CEP295: variants seen among roughly 807,000 people sequenced by gnomAD.
The protein encoded by CEP295 is centrosomal protein 295, also known as centrosomal protein of 295 kDa.
CEP295 carries 190 observed loss-of-function variants against 291.6 expected under a neutral mutation model. That is an observed-to-expected ratio of 0.65 (90% confidence interval 0.58 to 0.73). The LOEUF is 0.73. CEP295 is among the 30% of genes least tolerant of loss of function. The pLI is 0.00. For missense variants in CEP295, 2,863 were observed against 2,949.4 expected, an observed-to-expected ratio of 0.97 and a Z score of 0.68; for synonymous variants, 993 against 1,038.8, an observed-to-expected ratio of 0.96 and a Z score of 0.85.
intron 23 of CEP295, 115 bp from the exon 24 acceptor site, chr11:93,726,861 T>C (rs1228914792): frequency 2.6e-6 from 2 of 763,316 alleles, no homozygotes; most frequent in Admixed American, 6.6e-5. Flanking sequence ...CATCAACTTT[T>C]ATGCCTAAAA....
chr11:93,722,223 C>T (rs1029960608), intron 20 of CEP295, among the ~76,000 whole-genome samples, 173 bp downstream of exon 20: 5 of 152,074 alleles, frequency 3.3e-5, no homozygotes, highest in African/African-American at 1.2e-4. Context: ...AATCCCAGCA[C>T]CTTGAGGTGG....
chr11:93,728,911 G>C (rs948216659), intron 25 of CEP295, 90 bp downstream of exon 25: 2 of 1,186,584 alleles, frequency 1.7e-6, no homozygotes, highest in Admixed American at 2.8e-5. Flanking sequence ...CTCATTGGAG[G>C]GAATTATGCT....
chr11:93,689,917 T>C (rs1951433260), intron 10 of CEP295, among the ~76,000 whole-genome samples: 1 of 152,164 alleles, frequency 6.6e-6, no homozygotes, highest in Admixed American at 6.5e-5. Context: ...GCCATGGGCA[T>C]AGAAAACCAC....
chr11:93,698,778 CTTCA>C lies in CEP295; in HGVS notation c.3872_3875del (p.Phe1291TyrfsTer12). ...ACATCTTCTGAACAAACTGGTTCATCTTCATTCATACCCCAGTTGGTACAGCTTT... is the reference window on the plus strand; with the variant it reads ...ACATCTTCTGAACAAACTGGTTCATCTTCATACCCCAGTTGGTACAGCTTT... On this transcript the variant is annotated frameshift_variant, in exon 15 of 30. Transcript: ENST00000325212. LOFTEE classifies it high-confidence loss of function. 1.3e-6 allele frequency: 2 copies of C among 1,551,724 alleles called. No homozygotes were observed. The highest frequency in any genetic ancestry group is 1.7e-6 in the Non-Finnish European group (2 of 1,146,978).
chr11:93,704,859 C>T (rs1021882006), intron 17 of CEP295, among the ~76,000 whole-genome samples: 2 of 152,204 alleles, frequency 1.3e-5, no homozygotes, highest in Non-Finnish European at 2.9e-5. Context: ...ATACCACTCA[C>T]TAGAGGCAGT....
rs1371855018 is a variant in CEP295 at position 93,696,922 on chromosome 11, A to G, written c.2010A>G (p.Glu670=). The change falls in exon 15 of 30, where the codon GAA becomes GAG. Residue 670 remains glutamate, a synonymous_variant. Coordinates refer to ENST00000325212, the MANE Select transcript of CEP295 (RefSeq NM_033395.2). ...AACCTATACAGACCTCCAAATTAGA[A>G]CAAGATCATTTTCAGGTAGCGAGAC... ...PIQPIQTSKL[E]QDHFQVARQN... is the part of the protein sequence containing the mutation. The G allele has an allele frequency of 1.9e-6, 3 of 1,552,080 alleles. No homozygotes were observed. The highest frequency in any genetic ancestry group is 2.4e-5 in the South Asian group (2 of 84,066).
chr11:93,695,475 T>C (rs1355351223), intron 12 of CEP295, 22 bp from the exon 13 acceptor site: 2 of 1,397,176 alleles, frequency 1.4e-6, no homozygotes, highest in Non-Finnish European at 1.9e-6. Context: ...TGTTAATAGA[T>C]CAATAGTATT....
chr11:93,698,354 AAGTCTCTTAGTTTTCCACAGCAT>A lies in CEP295; in HGVS notation c.3445_3467del (p.Ser1149ProfsTer24). The A allele has an allele frequency of 6.4e-7, 1 of 1,552,190 alleles. No homozygotes were observed. The highest frequency in any genetic ancestry group is 8.7e-7 in the Non-Finnish European group (1 of 1,147,092). On this transcript the variant is annotated frameshift_variant, in exon 15 of 30. Transcript: ENST00000325212. LOFTEE classifies it high-confidence loss of function. Reference sequence around the variant, plus strand: ...TTTGATAATCCCAACATTTCAGGATAAGTCTCTTAGTTTTCCACAGCATAGCCTGGCACAGCAAGAAAATTTGA... The same window carrying A: ...TTTGATAATCCCAACATTTCAGGATAAGCCTGGCACAGCAAGAAAATTTGA...
intron 5 of CEP295, among the ~76,000 whole-genome samples, chr11:93,674,600 A>G (rs1047195942): frequency 1.7e-4 from 26 of 152,186 alleles, no homozygotes; most frequent in African/African-American, 6.0e-4. Context: ...AATTGTCACA[A>G]TGATCATATG....
intron 10 of CEP295, among the ~76,000 whole-genome samples, chr11:93,690,655 C>T (rs999229505): frequency 7.1e-6 from 1 of 141,244 alleles, no homozygotes; most frequent in Non-Finnish European, 1.5e-5. Context: ...TGGTGTAAAC[C>T]AGAGGCAGAG....
In CEP295 at chr11:93,680,150, G is replaced by A. The variant is rs974396527; in HGVS notation, c.765+598G>A. Among the ~76,000 whole-genome samples the A allele has an allele frequency of 3.3e-5, 5 of 152,120 alleles. 1 individual carries two copies. The highest frequency in any genetic ancestry group is 4.1e-4 in the South Asian group (2 of 4,830). On this transcript the variant is annotated intron_variant, in intron 7 of 29. Transcript: ENST00000325212. ...AAATTAGCCAGGCATGGTGGTGTGC[G>A]GCTGTAGTCCCAGCTACTCAGGAGG...
At chr11:93,724,551 G>C (rs1953996528) in intron 22 of CEP295, among the ~76,000 whole-genome samples, 176 bp downstream of exon 22, 1 of 152,188 alleles carries the variant, frequency 6.6e-6, no homozygotes, top group African/African-American at 2.4e-5. Flanking sequence ...CAGATTACTT[G>C]AGGCCAAGAG....
At chr11:93,662,577 A>T (rs1248284123) in intron 1 of CEP295, among the ~76,000 whole-genome samples, 4 of 152,246 alleles carry the variant, frequency 2.6e-5, no homozygotes, top group Admixed American at 1.3e-4. Context: ...AAAAATCCAT[A>T]TTACTAAGAA....
Position 93,726,700 on chromosome 11 carries a change from G to T in CEP295, c.6500-276G>T, listed in dbSNP as rs1198848948. 6.8e-5 allele frequency: 19 copies of T among 279,106 alleles called. No individual in the cohort carries two copies. In the East Asian group the frequency reaches 1.1e-3, roughly 17 times the overall value. The allele number at this position is 279,106 out of a possible 1,614,324, so 17.3% of individuals were successfully genotyped here. ...CTTTATTCTCTTTTCTGTTATTAAA[G>T]TCATATTCAGTTCTTATAGAGGAAA... On this transcript the variant is annotated intron_variant, in intron 23 of 29. Transcript: ENST00000325212.
At position 93,693,770 on chromosome 11, in the gene CEP295, G is replaced by T. The variant is rs572625206; in HGVS notation, c.1534-1727G>T. ...ACTATCTCAAAAAAAAAGAAAAAAA[G>T]AAAAAAAGAAAAATTTCTCATCAAT... On this transcript the variant is annotated intron_variant, in intron 12 of 29. Transcript: ENST00000325212. Among the ~76,000 whole-genome samples the T allele has an allele frequency of 2.0e-5, 3 of 152,120 alleles. No individual in the cohort carries two copies. The East Asian group carries it at 5.8e-4, about 29-fold the overall frequency.
chr11:93,681,529 C>T (rs1950964944), intron 7 of CEP295, among the ~76,000 whole-genome samples: 1 of 146,812 alleles, frequency 6.8e-6, no homozygotes, highest in Non-Finnish European at 1.5e-5. Flanking sequence ...GACTCTCCTG[C>T]CTTGGCCTCC....
intron 6 of CEP295, among the ~76,000 whole-genome samples, chr11:93,676,042 T>C (rs976819458): frequency 5.3e-5 from 8 of 152,084 alleles, no homozygotes; most frequent in Non-Finnish European, 1.0e-4. Flanking sequence ...TTATAACCTT[T>C]ATTTAAATAT....
At chr11:93,683,515 A>C (rs1479620102) in intron 7 of CEP295, 44 bp from the exon 8 acceptor site, 1 of 1,396,716 alleles carries the variant, frequency 7.2e-7, no homozygotes, top group African/African-American at 1.5e-5. Flanking sequence ...ATTACCATAC[A>C]AAGTTTGTGA....
chr11:93,678,949 CG>C (rs1262748717), intron 6 of CEP295, among the ~76,000 whole-genome samples: 1 of 152,094 alleles, frequency 6.6e-6, no homozygotes, highest in Non-Finnish European at 1.5e-5. Context: ...TTCCGCCTCC[CG>C]GGCTCAAGTG....
Sources: allele counts gnomAD v4.1 joint callset (sites outside exome capture counted in the v4.1 genomes callset), GRCh38; gene constraint gnomAD v4.1.1; transcripts MANE v1.5; gene names NCBI Gene and HGNC (gene_info 2026-07-23, HGNC 2026-07-21).